The following CLEC16A variants were observed in gnomAD, a reference collection of about 807,000 sequenced individuals.
The protein encoded by CLEC16A is C-type lectin domain containing 16A.
CLEC16A carries 51 observed loss-of-function variants against 109.5 expected under a neutral mutation model. The observed-to-expected ratio is 0.47, with a 90% CI of 0.37 to 0.59. The LOEUF (loss-of-function observed/expected upper bound fraction) is 0.59. CLEC16A is among the 20% of genes least tolerant of loss of function. CLEC16A has a pLI of 0.00. For missense variants in CLEC16A, 1,339 were observed against 1,394.0 expected, an observed-to-expected ratio of 0.96 and a Z score of 0.63; for synonymous variants, 673 against 564.2, an observed-to-expected ratio of 1.19 and a Z score of -2.73.
intron 23 of CLEC16A, among the ~76,000 whole-genome samples, chr16:11,171,009 G>T (rs79263553): frequency 0.061 from 9,340 of 152,130 alleles, 369 homozygotes; most frequent in Non-Finnish European, 0.09. Flanking sequence ...AGGCCACCAG[G>T]GTCCCAAACC....
chr16:11,047,202 C>A, intron 16 of CLEC16A, 90 bp from the exon 17 acceptor site: 1 of 1,091,002 alleles, frequency 9.2e-7, no homozygotes, highest in Non-Finnish European at 1.3e-6. Context: ...CAGATGGCCT[C>A]TAAAGCCACA....
At chr16:10,989,067 A>T (rs552641879) in intron 10 of CLEC16A, among the ~76,000 whole-genome samples, 1 of 152,298 alleles carries the variant, frequency 6.6e-6, no homozygotes, top group East Asian at 1.9e-4. Context: ...AGTGTTAGTA[A>T]TAACAGTGAT....
At chr16:11,046,372 G>A (rs995106459) in intron 16 of CLEC16A, among the ~76,000 whole-genome samples, 1 of 152,044 alleles carries the variant, frequency 6.6e-6, no homozygotes, top group Non-Finnish European at 1.5e-5. Flanking sequence ...TTTCCTGGTG[G>A]TGGTAGTTAT....
At chr16:11,117,580 A>G (rs1463115403) in intron 19 of CLEC16A, among the ~76,000 whole-genome samples, 1 of 152,202 alleles carries the variant, frequency 6.6e-6, no homozygotes, top group Non-Finnish European at 1.5e-5. Context: ...TATGTCTTGA[A>G]TACTTTTCTC....
chr16:11,097,493 T>C (rs566673636), intron 19 of CLEC16A, among the ~76,000 whole-genome samples: 5 of 152,336 alleles, frequency 3.3e-5, no homozygotes, highest in African/African-American at 1.2e-4. Flanking sequence ...TTAATTTCCT[T>C]CCCTGCCCTA....
intron 14 of CLEC16A, 119 bp downstream of exon 14, chr16:11,039,995 A>G (rs1452691010): frequency 1.6e-6 from 2 of 1,254,924 alleles, no homozygotes; most frequent in Non-Finnish European, 2.1e-6. Flanking sequence ...GCCCATCCCA[A>G]CCTCTCCCTC....
intron 19 of CLEC16A, among the ~76,000 whole-genome samples, chr16:11,068,986 CTTT>C (rs34421150): frequency 3.2e-5 from 4 of 123,454 alleles, no homozygotes; most frequent in South Asian, 2.6e-4. Flanking sequence ...GGCTAATTTT[CTTT>C]TTTTTTTTTT....
At chr16:11,042,851 C>A (rs1182533283) in intron 15 of CLEC16A, among the ~76,000 whole-genome samples, 1 of 150,016 alleles carries the variant, frequency 6.7e-6, no homozygotes, top group African/African-American at 2.5e-5. Flanking sequence ...TCTGTGCACA[C>A]ACACACACAT....
At chr16:11,022,291 A>G (rs899639065) in intron 12 of CLEC16A, among the ~76,000 whole-genome samples, 6 of 148,704 alleles carry the variant, frequency 4.0e-5, no homozygotes, top group South Asian at 2.1e-4. Flanking sequence ...TGTCCCCCCA[A>G]CTTGAGCAGT....
intron 13 of CLEC16A, among the ~76,000 whole-genome samples, chr16:11,032,095 G>A (rs1380800901): frequency 6.6e-6 from 1 of 152,210 alleles, no homozygotes; most frequent in Non-Finnish European, 1.5e-5. Context: ...GGTGAGCATG[G>A]ACTCTGCCCG....
intron 3 of CLEC16A, among the ~76,000 whole-genome samples, chr16:10,964,702 T>A (rs573095143): frequency 6.6e-6 from 1 of 152,316 alleles, no homozygotes; most frequent in Non-Finnish European, 1.5e-5. Context: ...GATCAAAACT[T>A]ACGGCTTTTA....
chr16:10,964,195 G>T (rs2042391415), intron 3 of CLEC16A, among the ~76,000 whole-genome samples: 1 of 152,234 alleles, frequency 6.6e-6, no homozygotes, highest in Non-Finnish European at 1.5e-5. Flanking sequence ...CGCAGCCGCC[G>T]CTAGGTGGTG....
At chr16:11,081,607 TG>T (rs1268087938) in intron 19 of CLEC16A, among the ~76,000 whole-genome samples, 1 of 152,114 alleles carries the variant, frequency 6.6e-6, no homozygotes, top group African/African-American at 2.4e-5. Flanking sequence ...ACCCACTCCC[TG>T]GATTCCTCAA....
At chr16:10,985,060 G>A (rs1039229185) in intron 10 of CLEC16A, among the ~76,000 whole-genome samples, 3 of 151,826 alleles carry the variant, frequency 2.0e-5, no homozygotes, top group South Asian at 2.1e-4. Flanking sequence ...AAAATTGGCC[G>A]GGCATGGTGG....
rs138153502 is a variant in CLEC16A at position 10,962,512 on chromosome 16, G to A, written c.267G>A (p.Ser89=). The A allele has an allele frequency of 3.2e-5, 51 of 1,613,758 alleles. No individual in the cohort carries two copies. Among genetic ancestry groups the A allele is most frequent in the Non-Finnish European group, 4.2e-5 (49 of 1,179,872 alleles). Residue 89 remains serine, a synonymous_variant, in exon 3 of 24, where the codon TCG becomes TCA. Coordinates refer to ENST00000409790, the MANE Select transcript of CLEC16A (RefSeq NM_015226.3). The part of the protein sequence containing the change: ...VFFLNILRQK[S]GRYVCVQLLQ... ...TCTTGAACATCTTGCGGCAAAAGTC[G>A]GGCCGTTACGTGTGCGTTCAGCTGC...
intron 22 of CLEC16A, among the ~76,000 whole-genome samples, chr16:11,147,183 C>T (rs114086120): frequency 6.6e-6 from 1 of 152,278 alleles, no homozygotes; most frequent in East Asian, 1.9e-4. Flanking sequence ...CCGTTTGACA[C>T]CTGGCAACAG....
intron 3 of CLEC16A, among the ~76,000 whole-genome samples, 195 bp downstream of exon 3, chr16:10,962,783 G>A (rs555340157): frequency 6.6e-6 from 1 of 152,274 alleles, no homozygotes; most frequent in East Asian, 1.9e-4. Context: ...GATTGGCCAG[G>A]CATGGTATCT....
chr16:10,956,919 TC>T (rs1344974842), intron 1 of CLEC16A, among the ~76,000 whole-genome samples: 1 of 152,132 alleles, frequency 6.6e-6, no homozygotes, highest in Non-Finnish European at 1.5e-5. Flanking sequence ...TGCCTCAGCT[TC>T]CAGAGTAGCT....
intron 2 of CLEC16A, 40 bp downstream of exon 2, chr16:10,957,950 C>T (rs1245405901): frequency 1.9e-6 from 3 of 1,596,300 alleles, no homozygotes; most frequent in East Asian, 2.2e-5. Flanking sequence ...GATTATTCTT[C>T]TTTGAATGTT....
Sources: allele counts gnomAD v4.1 joint callset (sites outside exome capture counted in the v4.1 genomes callset), GRCh38; gene constraint gnomAD v4.1.1; transcripts MANE v1.5; gene names NCBI Gene and HGNC (gene_info 2026-07-23, HGNC 2026-07-21).